STK33: variants seen among roughly 807,000 people sequenced by gnomAD.
STK33 encodes serine/threonine kinase 33.
In STK33, 52 loss-of-function variants were observed where a neutral mutation model predicts 58.0. The ratio of observed to expected loss-of-function variants is 0.90; its 90% CI spans 0.72 to 1.13. STK33 has a LOEUF of 1.13. Among genes scored for constraint, STK33 ranks in the 50% most tolerant of loss-of-function variants. The probability of loss-of-function intolerance (pLI) is 0.00; values close to 1 mark genes in which losing one functional copy is unlikely to be tolerated. For missense variants in STK33, 630 were observed against 604.2 expected (o/e 1.04, Z -0.45); for synonymous variants, 215 against 200.1 (o/e 1.07, Z -0.63).
the STK33 span, among the ~76,000 whole-genome samples, chr11:8,378,783 G>GA: frequency 5.4e-5 from 8 of 149,310 alleles, no homozygotes; most frequent in East Asian, 5.9e-4. Flanking sequence ...CACAGAGTTA[G>GA]AAAAAAAAAA....
chr11:8,421,778 T>A (rs1941960087), intron 14 of STK33, among the ~76,000 whole-genome samples: 1 of 152,204 alleles, frequency 6.6e-6, no homozygotes, highest in African/African-American at 2.4e-5. Flanking sequence ...CAAGGAGGTC[T>A]TATAAATCTT....
chr11:8,434,566 G>A (rs990233386), intron 14 of STK33, among the ~76,000 whole-genome samples: 9 of 152,254 alleles, frequency 5.9e-5, no homozygotes, highest in African/African-American at 1.7e-4. Context: ...TCTGTTTCCC[G>A]TTCATATAAA....
chr11:8,589,086 C>G (rs978368596), intron 1 of STK33, among the ~76,000 whole-genome samples: 1 of 152,106 alleles, frequency 6.6e-6, no homozygotes, highest in Non-Finnish European at 1.5e-5. Flanking sequence ...AATGGTACAG[C>G]CACTTTGGAA....
intron 1 of STK33, among the ~76,000 whole-genome samples, chr11:8,532,834 T>C (rs1360376043): frequency 6.6e-6 from 1 of 152,230 alleles, no homozygotes; most frequent in African/African-American, 2.4e-5. Flanking sequence ...GTTGGATAAC[T>C]GCAACAAAAT....
At chr11:8,521,148 C>G (rs1953392791) in intron 1 of STK33, among the ~76,000 whole-genome samples, 1 of 151,844 alleles carries the variant, frequency 6.6e-6, no homozygotes. Flanking sequence ...CATATGGAAA[C>G]AAAAAAGAGC....
chr11:8,493,811 G>A (rs1311229544), intron 1 of STK33, among the ~76,000 whole-genome samples: 1 of 152,102 alleles, frequency 6.6e-6, no homozygotes, highest in Non-Finnish European at 1.5e-5. Context: ...ATCACTATAT[G>A]TAATCCATCA....
chr11:8,527,760 C>G (rs756063567), intron 1 of STK33, among the ~76,000 whole-genome samples: 1 of 152,112 alleles, frequency 6.6e-6, no homozygotes, highest in Admixed American at 6.6e-5. Flanking sequence ...ATCACAGAAG[C>G]AACCACAATA....
chr11:8,423,758 GTTTC>G (rs1345107429), intron 14 of STK33, among the ~76,000 whole-genome samples: 3 of 151,798 alleles, frequency 2.0e-5, no homozygotes, highest in African/African-American at 7.3e-5. Context: ...ATATATTTTT[GTTTC>G]TTTGTTTCAT....
the STK33 span, among the ~76,000 whole-genome samples, chr11:8,383,230 T>C: frequency 6.6e-6 from 1 of 152,140 alleles, no homozygotes; most frequent in African/African-American, 2.4e-5. Flanking sequence ...TGGGGATGTT[T>C]AGCCTGAAGA....
chr11:8,348,027 GA>G, the STK33 span, among the ~76,000 whole-genome samples: 1 of 152,204 alleles, frequency 6.6e-6, no homozygotes, highest in East Asian at 1.9e-4. Context: ...GAGAGGAGAA[GA>G]GACAATGCCT....
intron 15 of STK33, among the ~76,000 whole-genome samples, chr11:8,412,063 T>C (rs1163255713): frequency 1.3e-5 from 2 of 152,132 alleles, no homozygotes; most frequent in Non-Finnish European, 2.9e-5. Flanking sequence ...CAGTGACAAA[T>C]ACAACTCAAG....
At chr11:8,536,996 TTTGTGA>T (rs1955076124) in intron 1 of STK33, among the ~76,000 whole-genome samples, 1 of 136,410 alleles carries the variant, frequency 7.3e-6, no homozygotes, top group Admixed American at 7.4e-5. Context: ...TTTTTTTTTT[TTTGTGA>T]CAGAGTTTCA....
At chr11:8,477,034 T>C (rs975121429) in intron 3 of STK33, among the ~76,000 whole-genome samples, 4 of 152,064 alleles carry the variant, frequency 2.6e-5, no homozygotes, top group Non-Finnish European at 5.9e-5. Context: ...GAAAAAAATT[T>C]CTATTGTGAT....
chr11:8,521,157 G>A (rs184974999), intron 1 of STK33, among the ~76,000 whole-genome samples: 1,860 of 152,008 alleles, frequency 0.012, 39 homozygotes, highest in African/African-American at 0.042. Context: ...ACAAAAAAGA[G>A]CCCCCATTGC....
At chr11:8,579,564 T>C (rs1051382073) in intron 1 of STK33, among the ~76,000 whole-genome samples, 9 of 151,812 alleles carry the variant, frequency 5.9e-5, no homozygotes, top group African/African-American at 2.2e-4. Flanking sequence ...TTATATTAAA[T>C]AATGAAATAA....
At chr11:8,490,633 C>A (rs983977734) in intron 1 of STK33, among the ~76,000 whole-genome samples, 2 of 152,154 alleles carry the variant, frequency 1.3e-5, no homozygotes, top group African/African-American at 4.8e-5. Flanking sequence ...GTCCCTGACC[C>A]CTGTGTAGCC....
At chr11:8,447,611 A>C (rs1340499226) in intron 11 of STK33, among the ~76,000 whole-genome samples, 1 of 152,214 alleles carries the variant, frequency 6.6e-6, no homozygotes, top group Non-Finnish European at 1.5e-5. Context: ...AACTCTCAAT[A>C]AATTAGGTAT....
chr11:8,360,963 C>T, the STK33 span, among the ~76,000 whole-genome samples: 1 of 152,308 alleles, frequency 6.6e-6, no homozygotes, highest in Non-Finnish European at 1.5e-5. Flanking sequence ...CTGCAAAATC[C>T]CTCCACAGCA....
At chr11:8,445,829 G>T (rs1438373885) in intron 11 of STK33, among the ~76,000 whole-genome samples, 224 of 152,260 alleles carry the variant, frequency 1.5e-3, no homozygotes, top group African/African-American at 5.3e-3. Context: ...AGGGATATTG[G>T]TCTGAAATTT....
Sources: allele counts gnomAD v4.1 joint callset (sites outside exome capture counted in the v4.1 genomes callset), GRCh38; gene constraint gnomAD v4.1.1; transcripts MANE v1.5; gene names NCBI Gene and HGNC (gene_info 2026-07-23, HGNC 2026-07-21).